The following ACTR3B variants were observed in gnomAD, a reference collection of about 807,000 sequenced individuals.
The protein encoded by ACTR3B is actin-related protein 3B.
A neutral mutation model predicts 59.0 loss-of-function variants in ACTR3B; 8 were observed. The observed-to-expected ratio is 0.14, with a 90% CI of 0.08 to 0.24. ACTR3B has a LOEUF of 0.24. Among genes scored for constraint, ACTR3B ranks in the 10% least tolerant of loss-of-function variants. The probability of loss-of-function intolerance (pLI) is 1.00; values close to 1 mark genes in which losing one functional copy is unlikely to be tolerated. For synonymous variants in ACTR3B, 148 were observed against 197.9 expected (o/e 0.75, Z 2.12); for missense variants, 245 against 552.3 (o/e 0.44, Z 5.58).
chr7:152,835,483 G>A (rs878995037), intron 9 of ACTR3B, among the ~76,000 whole-genome samples: 1 of 152,280 alleles, frequency 6.6e-6, no homozygotes, highest in Non-Finnish European at 1.5e-5. Context: ...GTGTATAATA[G>A]CATTATGTCT....
intron 9 of ACTR3B, among the ~76,000 whole-genome samples, chr7:152,834,371 C>G (rs901332270): frequency 3.9e-4 from 60 of 152,152 alleles, no homozygotes; most frequent in Non-Finnish European, 7.8e-4. Flanking sequence ...CCAGGCTGGT[C>G]TCGAACTCCT....
At chr7:152,781,922 T>C (rs1359634553) in intron 1 of ACTR3B, among the ~76,000 whole-genome samples, 1 of 151,938 alleles carries the variant, frequency 6.6e-6, no homozygotes, top group Admixed American at 6.6e-5. Flanking sequence ...CAGAAGCTCC[T>C]TGTAGGCCTG....
intron 9 of ACTR3B, among the ~76,000 whole-genome samples, chr7:152,851,613 G>A (rs1420815017): frequency 2.6e-5 from 4 of 152,244 alleles, no homozygotes; most frequent in African/African-American, 4.8e-5. Flanking sequence ...GGTGGCCACC[G>A]AGCGAGTCTT....
At chr7:152,803,922 T>G (rs1422154505) in intron 4 of ACTR3B, among the ~76,000 whole-genome samples, 1 of 152,220 alleles carries the variant, frequency 6.6e-6, no homozygotes, top group Non-Finnish European at 1.5e-5. Flanking sequence ...GTATTTGTCC[T>G]TAACCGTATG....
chr7:152,828,688 T>A lies in ACTR3B; in HGVS notation c.951+3566T>A, dbSNP rs1363012221. Among the ~76,000 whole-genome samples, 12 of 152,312 alleles carry A rather than the reference T, an allele frequency of 7.9e-5. 1 individual carries two copies. In the South Asian group the frequency reaches 1.5e-3, roughly 18 times the overall value. On this transcript the variant is annotated intron_variant, in intron 9 of 11. Transcript: ENST00000256001. ...TTAGGGGTGTGCCTTTCCTCTTGGT[T>A]CACTATGCAGTGCTTCCAACCTGCT...
chr7:152,840,355 G>T (rs1403733822), intron 9 of ACTR3B, among the ~76,000 whole-genome samples: 596 of 150,870 alleles, frequency 4.0e-3, no homozygotes, highest in African/African-American at 0.014. Context: ...GCTTGTCGCC[G>T]TCCTGCCTTC....
chr7:152,808,746 C>T (rs1189064505), intron 4 of ACTR3B, among the ~76,000 whole-genome samples: 1 of 152,184 alleles, frequency 6.6e-6, no homozygotes, highest in Non-Finnish European at 1.5e-5. Context: ...ACATAGGTTT[C>T]TTTAGTTAAT....
At chr7:152,808,201 A>G (rs1459167107) in intron 4 of ACTR3B, among the ~76,000 whole-genome samples, 1 of 152,102 alleles carries the variant, frequency 6.6e-6, no homozygotes, top group East Asian at 1.9e-4. Flanking sequence ...ATGTGCCAGG[A>G]TTCCTTTCTT....
At chr7:152,826,936 G>A (rs1157942193) in intron 9 of ACTR3B, among the ~76,000 whole-genome samples, 1 of 151,870 alleles carries the variant, frequency 6.6e-6, no homozygotes, top group African/African-American at 2.4e-5. Flanking sequence ...CCCGTTTCCC[G>A]CATCTTTGAA....
intron 6 of ACTR3B, among the ~76,000 whole-genome samples, chr7:152,819,568 ATGTGGACACTTGACACTGGCCCTGCCAT>A (rs1442194427): frequency 1.4e-4 from 21 of 152,346 alleles, no homozygotes; most frequent in African/African-American, 5.1e-4. Context: ...TGCTGTGGGC[ATGTGGACACTTGACACTGGCCCTGCCAT>A]TGATCGGCCC....
intron 6 of ACTR3B, among the ~76,000 whole-genome samples, chr7:152,817,980 C>CT (rs1795842776): frequency 1.3e-5 from 2 of 152,188 alleles, no homozygotes; most frequent in Admixed American, 1.3e-4. Flanking sequence ...CGTGTCCTTC[C>CT]TGTGGGGAGG....
chr7:152,785,460 AGGGGGAGGGG>A (rs1372409689), intron 2 of ACTR3B, among the ~76,000 whole-genome samples: 2 of 886 alleles, frequency 2.3e-3, no homozygotes, highest in African/African-American at 5.8e-3. Flanking sequence ...GAGAGGGGGG[AGGGGGAGGGG>A]GAGGGAGAGA....
intron 9 of ACTR3B, among the ~76,000 whole-genome samples, chr7:152,837,043 G>A (rs1797516892): frequency 6.6e-6 from 1 of 152,214 alleles, no homozygotes; most frequent in Admixed American, 6.6e-5. Flanking sequence ...GGATATGGTG[G>A]CATGCACCTG....
At chr7:152,849,422 C>T (rs915702843) in intron 9 of ACTR3B, among the ~76,000 whole-genome samples, 1 of 152,182 alleles carries the variant, frequency 6.6e-6, no homozygotes, top group African/African-American at 2.4e-5. Flanking sequence ...GAAGGCCAAG[C>T]CCAGATCCTC....
At chr7:152,811,115 TA>T (rs1795200593) in intron 4 of ACTR3B, 1 of 149,000 alleles carries the variant, frequency 6.7e-6, no homozygotes. Flanking sequence ...GTTGACTTTT[TA>T]CCTTTCCAAG....
At chr7:152,782,666 C>T (rs2098158405) in intron 1 of ACTR3B, among the ~76,000 whole-genome samples, 1 of 151,472 alleles carries the variant, frequency 6.6e-6, no homozygotes, top group Admixed American at 6.6e-5. Flanking sequence ...AACCGCCGCC[C>T]CCCACCCCGC....
chr7:152,778,131 A>G (rs1359846668), intron 1 of ACTR3B, among the ~76,000 whole-genome samples: 6 of 140,526 alleles, frequency 4.3e-5, no homozygotes, highest in Non-Finnish European at 7.8e-5. Context: ...GTTTCATTTT[A>G]TTTTGGTTTG....
chr7:152,798,445 A>T lies in ACTR3B; in HGVS notation c.101-2086A>T, dbSNP rs377571845. Among the ~76,000 whole-genome samples the T allele has an allele frequency of 5.3e-5, 8 of 152,182 alleles. No homozygotes were observed. In the East Asian group the frequency reaches 1.5e-3, roughly 29 times the overall value. On this transcript the variant is annotated intron_variant, in intron 2 of 11. Transcript: ENST00000256001. Reference sequence around the variant, plus strand: ...TTTGATTATTAATCTTTTGTCAGGTAGATAGTTTGCAAATAGTTTCTCCCA... The same window carrying T: ...TTTGATTATTAATCTTTTGTCAGGTTGATAGTTTGCAAATAGTTTCTCCCA...
intron 9 of ACTR3B, among the ~76,000 whole-genome samples, chr7:152,842,462 A>G (rs949641402): frequency 1.3e-5 from 2 of 152,126 alleles, no homozygotes; most frequent in African/African-American, 4.8e-5. Flanking sequence ...TATTTCTGGA[A>G]TTTTCCATTT....
Sources: gnomAD v4.1 joint callset for allele counts (sites outside exome capture counted in the v4.1 genomes callset) on GRCh38, gnomAD v4.1.1 for gene constraint, MANE v1.5 for transcripts, NCBI Gene and HGNC (gene_info 2026-07-23, HGNC 2026-07-21) for gene names.